Variants in GIN1 observed in about 807,000 individuals in gnomAD.
The protein encoded by GIN1 is gypsy retrotransposon integrase 1.
Under a neutral mutation model 51.4 loss-of-function variants are expected in GIN1, and 41 were observed. That is an observed-to-expected ratio of 0.80 (90% confidence interval 0.62 to 1.04). The LOEUF is 1.04. GIN1 is among the 50% of genes least tolerant of loss of function. The pLI is 0.00. For synonymous variants in GIN1, 222 were observed against 206.5 expected, an observed-to-expected ratio of 1.07 and a Z score of -0.64; for missense variants, 610 against 612.4, an observed-to-expected ratio of 1.00 and a Z score of 0.04.
At chr5:103,117,235 C>A (rs1788057044) in intron 1 of GIN1, among the ~76,000 whole-genome samples, 1 of 151,826 alleles carries the variant, frequency 6.6e-6, no homozygotes, top group East Asian at 1.9e-4. Flanking sequence ...ATAGACCTAA[C>A]AATATGAATA....
intron 7 of GIN1, among the ~76,000 whole-genome samples, chr5:103,088,666 T>G (rs1787147945): frequency 6.6e-6 from 1 of 151,984 alleles, no homozygotes; most frequent in Non-Finnish European, 1.5e-5. Flanking sequence ...TGGTTAAGGG[T>G]GTCTATGGTC....
intron 2 of GIN1, among the ~76,000 whole-genome samples, chr5:103,107,187 G>A (rs782122403): frequency 6.6e-6 from 1 of 151,926 alleles, no homozygotes; most frequent in African/African-American, 2.4e-5. Flanking sequence ...TAATAAGTAC[G>A]GAAATATGAA....
intron 7 of GIN1, among the ~76,000 whole-genome samples, chr5:103,089,521 A>G (rs1432663626): frequency 1.3e-5 from 2 of 152,104 alleles, no homozygotes; most frequent in Admixed American, 6.6e-5. Context: ...CAATGGCGTG[A>G]TAACAGCTGA....
Position 103,097,471 on chromosome 5 carries a change from G to A in GIN1, c.851C>T (p.Pro284Leu). 1 of 1,553,592 alleles carries A rather than the reference G, an allele frequency of 6.4e-7. No individual in the cohort carries two copies. Among genetic ancestry groups the A allele is most frequent in the East Asian group, 2.2e-5 (1 of 44,594 alleles). ...ATTTCGACTAAACATTTGAAAATAT[G>A]GTGTATTTTTAGTAGGTTCCTATTT... is the stretch of plus-strand genomic sequence containing the variant. ...VTHLEPTKNT[P>L]YFQMFSRNPY... is the part of the protein sequence containing the mutation. Residue 284 changes from proline (P) to leucine (L), a missense_variant, in exon 6 of 8, where the codon CCA becomes CTA. By Grantham distance (98) the Pro-to-Leu change is moderately conservative. Coordinates refer to ENST00000399004, the MANE Select transcript of GIN1 (RefSeq NM_017676.2).
intron 7 of GIN1, among the ~76,000 whole-genome samples, chr5:103,095,075 T>A (rs1554194871): frequency 6.6e-6 from 1 of 152,192 alleles, no homozygotes; most frequent in Non-Finnish European, 1.5e-5. Context: ...TAAGTGTAGG[T>A]TATTTGTTGT....
At chr5:103,090,821 T>C (rs1336972484) in intron 7 of GIN1, among the ~76,000 whole-genome samples, 3 of 152,142 alleles carry the variant, frequency 2.0e-5, no homozygotes, top group Non-Finnish European at 4.4e-5. Flanking sequence ...CTAGTTACAC[T>C]GGTTAGAAAC....
At chr5:103,088,731 T>G (rs1391759268) in intron 7 of GIN1, among the ~76,000 whole-genome samples, 1 of 152,030 alleles carries the variant, frequency 6.6e-6, no homozygotes, top group Non-Finnish European at 1.5e-5. Context: ...GAGATTGAGG[T>G]TGCAGTGAGC....
chr5:103,092,965 A>AG (rs1787295288), intron 7 of GIN1, among the ~76,000 whole-genome samples: 1 of 142,198 alleles, frequency 7.0e-6, no homozygotes, highest in Admixed American at 7.1e-5. Flanking sequence ...AAAAAAAAAA[A>AG]AAAAGGAAAA....
intron 7 of GIN1, 90 bp from the exon 8 acceptor site, chr5:103,088,262 C>A: frequency 1.4e-6 from 1 of 695,596 alleles, no homozygotes. Context: ...AACAAAATCC[C>A]AAGTAATAAA....
intron 1 of GIN1, among the ~76,000 whole-genome samples, chr5:103,114,243 T>C (rs1321015048): frequency 6.6e-6 from 1 of 152,214 alleles, no homozygotes; most frequent in Non-Finnish European, 1.5e-5. Flanking sequence ...AAGTGTATTG[T>C]GCACCAATAT....
In GIN1 at chr5:103,114,204, G is replaced by C. The variant is rs1583135903; in HGVS notation, c.-7-5490C>G. The stretch of plus-strand genomic sequence containing the variant: ...AACTTAAAATTTTAAGAATGAGTTG[G>C]AGTTACAAGATTAGATTTCTATTCT... On this transcript the variant is annotated intron_variant, in intron 1 of 7. Transcript: ENST00000399004. Among the ~76,000 whole-genome samples the C allele has an allele frequency of 2.0e-5, 3 of 152,280 alleles. No homozygotes were observed. The South Asian group carries it at 6.2e-4, about 32-fold the overall frequency.
intron 1 of GIN1, among the ~76,000 whole-genome samples, chr5:103,115,888 C>A (rs970870910): frequency 7.2e-5 from 11 of 152,070 alleles, no homozygotes. Flanking sequence ...TAGAGGGATT[C>A]GTCCTGTGAT....
At chr5:103,094,142 T>C (rs1229173319) in intron 7 of GIN1, among the ~76,000 whole-genome samples, 1 of 152,186 alleles carries the variant, frequency 6.6e-6, no homozygotes, top group Non-Finnish European at 1.5e-5. Flanking sequence ...TTTGCTTTAA[T>C]TCAGCTCAAG....
At chr5:103,094,719 G>C (rs1787344254) in intron 7 of GIN1, among the ~76,000 whole-genome samples, 1 of 152,096 alleles carries the variant, frequency 6.6e-6, no homozygotes, top group South Asian at 2.1e-4. Context: ...AAAGATTAAG[G>C]GGAAAATCAT....
rs782282421 is a variant in GIN1 at position 103,106,743 on chromosome 5, T to C, written c.306A>G (p.Thr102=). The change falls in exon 3 of 8, where the codon ACA becomes ACG. Residue 102 remains threonine, a synonymous_variant. Coordinates refer to ENST00000399004, the MANE Select transcript of GIN1 (RefSeq NM_017676.2). The part of the protein sequence containing the change: ...LTLVESNYYW[T]SVTNDVKQWV... ...ACTGTTTGACATCATTGGTCACAGA[T>C]GTCCAATAATAATTGGATTCTACCA... 2 of 1,596,888 alleles carry C rather than the reference T, an allele frequency of 1.3e-6. No individual in the cohort carries two copies. The highest frequency in any genetic ancestry group is 2.3e-5 in the East Asian group (1 of 44,356).
At chr5:103,100,921 T>A (rs1196960970) in intron 4 of GIN1, among the ~76,000 whole-genome samples, 1 of 152,200 alleles carries the variant, frequency 6.6e-6, no homozygotes, top group Non-Finnish European at 1.5e-5. Flanking sequence ...TAATTTCCTA[T>A]CAGATCTGAT....
At chr5:103,101,803 C>T (rs1473817169) in intron 4 of GIN1, among the ~76,000 whole-genome samples, 9 of 152,118 alleles carry the variant, frequency 5.9e-5, no homozygotes, top group East Asian at 1.9e-4. Context: ...TATTATCAAT[C>T]GTATACATTA....
At chr5:103,107,559 C>A (rs1554196480) in intron 2 of GIN1, among the ~76,000 whole-genome samples, 2 of 152,046 alleles carry the variant, frequency 1.3e-5, no homozygotes, top group Admixed American at 1.3e-4. Context: ...CCAAAATACA[C>A]CATTCAGCTA....
At chr5:103,099,608 G>GA (rs1324057362) in intron 4 of GIN1, among the ~76,000 whole-genome samples, 7 of 152,098 alleles carry the variant, frequency 4.6e-5, no homozygotes, top group Admixed American at 2.6e-4. Context: ...GCTTGCCTAG[G>GA]AATGATCCAG....
Sources: allele counts gnomAD v4.1 joint callset (sites outside exome capture counted in the v4.1 genomes callset), GRCh38; gene constraint gnomAD v4.1.1; transcripts MANE v1.5; gene names NCBI Gene and HGNC (gene_info 2026-07-23, HGNC 2026-07-21).